Variants in FGF13 observed in about 807,000 individuals in gnomAD.
FGF13 encodes fibroblast growth factor homologous factor 2.
In FGF13, 2 loss-of-function variants were observed where a neutral mutation model predicts 19.5. The ratio of observed to expected loss-of-function variants is 0.10; its 90% CI spans 0.04 to 0.32. FGF13 has a LOEUF of 0.32. Ranked by LOEUF, FGF13 falls within the 10% of genes least tolerant of loss-of-function variation. FGF13 has a pLI of 1.00. For synonymous variants in FGF13, 72 were observed against 76.9 expected, an observed-to-expected ratio of 0.94 and a Z score of 0.33; for missense variants, 113 against 192.7, an observed-to-expected ratio of 0.59 and a Z score of 2.45.
chrX:138,765,528 A>G (rs1363147884), intron 3 of FGF13, among the ~76,000 whole-genome samples: 1 of 112,245 alleles, frequency 8.9e-6, no homozygotes, highest in African/African-American at 3.2e-5. Context: ...TTCAAAACAA[A>G]TCAAGGCACA....
chrX:138,743,458 C>CT (rs924359534), upstream of FGF13, among the ~76,000 whole-genome samples: 3 of 111,232 alleles, frequency 2.7e-5, no homozygotes, highest in African/African-American at 9.8e-5. Context: ...CTATAATGGC[C>CT]TTTTATACAT....
chrX:138,699,408 C>T (rs1339159714), intron 3 of FGF13, among the ~76,000 whole-genome samples: 1 of 111,388 alleles, frequency 9.0e-6, no homozygotes, highest in Non-Finnish European at 1.9e-5. Context: ...ACATCCTTAA[C>T]CAAAGAATCC....
chrX:138,838,006 T>C (rs1471414919), intron 3 of FGF13, among the ~76,000 whole-genome samples: 1 of 112,447 alleles, frequency 8.9e-6, no homozygotes, highest in Non-Finnish European at 1.9e-5. Flanking sequence ...GCAGCTGTGC[T>C]GTGCTGGGGG....
Position 138,620,895 on chromosome X carries a change from A to G in FGF13, c.*11955T>C, listed in dbSNP as rs770593681. 8.9e-6 allele frequency: 1 copy of G among 112,333 alleles called. No homozygotes were observed. Among genetic ancestry groups the G allele is most frequent in the Non-Finnish European group, 1.9e-5 (1 of 53,251 alleles). 9.3% of individuals were successfully genotyped at this position (112,333 alleles called of 1,213,427 possible). A position where few individuals can be genotyped will look rare whatever the true frequency, so the allele number is the denominator to read the frequency against. On this transcript the variant is annotated 3_prime_UTR_variant, in exon 5 of 5. Coordinates refer to ENST00000315930, the MANE Select transcript of FGF13 (RefSeq NM_004114.5). Reference sequence around the variant, plus strand: ...ACTGTAACAAGAGACAAAGAATGCCATTATATAAAAATAAATGAGTCAATT... The same window carrying G: ...ACTGTAACAAGAGACAAAGAATGCCGTTATATAAAAATAAATGAGTCAATT...
intron 1 of FGF13, among the ~76,000 whole-genome samples, chrX:139,070,168 A>T (rs1030389687): frequency 8.9e-6 from 1 of 112,157 alleles, no homozygotes; most frequent in Non-Finnish European, 1.9e-5. Context: ...GCACAGCAAA[A>T]GAAACTATCA....
rs1411899120 is a variant in FGF13, at chrX:138,615,330, T to C, written c.*17520A>G. ...CTAGAGGAACTAGATAAAGGGCATA[T>C]AGCACTTCCCTATACTCTTTGCATC... On this transcript the variant is annotated 3_prime_UTR_variant, in exon 5 of 5. Coordinates refer to ENST00000315930, the MANE Select transcript of FGF13 (RefSeq NM_004114.5). 1 of 112,424 alleles carries C rather than the reference T, an allele frequency of 8.9e-6. No homozygotes were observed. Among genetic ancestry groups the C allele is most frequent in the Non-Finnish European group, 1.9e-5 (1 of 53,269 alleles). The allele number at this position is 112,424 out of a possible 1,213,427, so 9.3% of individuals were successfully genotyped here.
rs1237445939 is a variant in FGF13 at position 139,198,422 on chromosome X, G to T, written c.-113+4994C>A. Among the ~76,000 whole-genome samples, 3 of 111,428 alleles carry T rather than the reference G, an allele frequency of 2.7e-5. No homozygotes were observed. In the Admixed American group the frequency reaches 2.9e-4, roughly 11 times the overall value. On this transcript the variant is annotated intron_variant, in intron 1 of 2. Coordinates refer to the FGF13 transcript ENST00000421460. ...GCAGGCAGGCCAAGCAAGCAACTTA[G>T]CTCTGGACAGCCCTACTGTACTCCC...
At chrX:138,803,822 C>T (rs1386778308) in intron 3 of FGF13, among the ~76,000 whole-genome samples, 1 of 112,243 alleles carries the variant, frequency 8.9e-6, no homozygotes, top group African/African-American at 3.2e-5. Flanking sequence ...CTGTTCCACA[C>T]AATTCCACAG....
chrX:138,722,537 G>A (rs971383521), intron 1 of FGF13, among the ~76,000 whole-genome samples: 13 of 110,935 alleles, frequency 1.2e-4, no homozygotes, highest in African/African-American at 4.3e-4. Flanking sequence ...CTATTTCTGA[G>A]ATAATCTAAT....
At chrX:138,867,767 G>A (rs765367989) in intron 1 of FGF13, among the ~76,000 whole-genome samples, 5 of 107,125 alleles carry the variant, frequency 4.7e-5, no homozygotes, top group African/African-American at 1.4e-4. Flanking sequence ...CAGCCAAACC[G>A]TATCACTGTC....
chrX:138,684,826 A>C (rs2089763301), intron 3 of FGF13, among the ~76,000 whole-genome samples: 1 of 111,510 alleles, frequency 9.0e-6, no homozygotes, highest in Admixed American at 9.6e-5. Context: ...ATGTGGTCTC[A>C]TGGGCATGCA....
At chrX:138,646,939 A>G (rs987808250) in intron 3 of FGF13, among the ~76,000 whole-genome samples, 8 of 111,086 alleles carry the variant, frequency 7.2e-5, no homozygotes, top group Non-Finnish European at 1.3e-4. Flanking sequence ...GCTTTCCCCA[A>G]TTCTATAAAC....
At chrX:139,120,207 TC>T (rs1287388919) in intron 1 of FGF13, among the ~76,000 whole-genome samples, 2 of 112,536 alleles carry the variant, frequency 1.8e-5, no homozygotes, top group Non-Finnish European at 3.8e-5. Context: ...CAATTAAACT[TC>T]TTTCCTTTGT....
intron 1 of FGF13, among the ~76,000 whole-genome samples, chrX:138,940,949 T>C (rs1305877965): frequency 2.7e-5 from 3 of 111,677 alleles, no homozygotes; most frequent in Non-Finnish European, 5.6e-5. Flanking sequence ...GGAGTTGTAA[T>C]TGTGAATAAT....
At chrX:139,051,506 C>T (rs997719678) in intron 1 of FGF13, among the ~76,000 whole-genome samples, 1 of 111,786 alleles carries the variant, frequency 8.9e-6, no homozygotes, top group African/African-American at 3.3e-5. Flanking sequence ...GGATTAAGGT[C>T]GCAGAGTCCC....
chrX:138,698,252 G>A (rs766517378), intron 3 of FGF13, among the ~76,000 whole-genome samples: 1 of 110,329 alleles, frequency 9.1e-6, no homozygotes, highest in African/African-American at 3.3e-5. Flanking sequence ...TGGAGGTGTC[G>A]TTTCTTTATT....
chrX:138,616,348 T>C lies in FGF13; in HGVS notation c.*16502A>G, dbSNP rs1292251693. 2 of 112,496 alleles carry C rather than the reference T, an allele frequency of 1.8e-5. No individual in the cohort carries two copies. The highest frequency in any genetic ancestry group is 3.8e-5 in the Non-Finnish European group (2 of 53,247). The allele number at this position is 112,496 out of a possible 1,213,427, so 9.3% of individuals were successfully genotyped here. On this transcript the variant is annotated 3_prime_UTR_variant, in exon 5 of 5. Transcript: ENST00000315930. Reference sequence around the variant, plus strand: ...AGGCCCATGCAAGTCCAAAATCCAATAGGGCAGTCGTTAAAGCTTAAAGTT... The same window carrying C: ...AGGCCCATGCAAGTCCAAAATCCAACAGGGCAGTCGTTAAAGCTTAAAGTT...
At chrX:139,088,948 C>G (rs2083422135) in intron 1 of FGF13, among the ~76,000 whole-genome samples, 1 of 112,206 alleles carries the variant, frequency 8.9e-6, no homozygotes, top group African/African-American at 3.2e-5. Flanking sequence ...GAGAAGGCAC[C>G]ATCTATGAGC....
chrX:138,952,127 C>T (rs1394499344), intron 1 of FGF13, among the ~76,000 whole-genome samples: 4 of 111,488 alleles, frequency 3.6e-5, no homozygotes, highest in Non-Finnish European at 7.5e-5. Flanking sequence ...CAAGTCAATC[C>T]TAAGCCAAAA....
Sources: gnomAD v4.1 joint callset for allele counts (sites outside exome capture counted in the v4.1 genomes callset) on GRCh38, gnomAD v4.1.1 for gene constraint, MANE v1.5 for transcripts, NCBI Gene and HGNC (gene_info 2026-07-23, HGNC 2026-07-21) for gene names.